DNAH6: variants seen among roughly 807,000 people sequenced by gnomAD.
DNAH6 encodes the protein dynein axonemal heavy chain 6.
DNAH6 carries 340 observed loss-of-function variants against 491.4 expected under a neutral mutation model. That is an observed-to-expected ratio of 0.69 (90% CI 0.63 to 0.76). The LOEUF (loss-of-function observed/expected upper bound fraction) is 0.76, where lower values mean the gene tolerates loss of function less well. Among genes scored for constraint, DNAH6 ranks in the 30% least tolerant of loss-of-function variants. DNAH6 has a pLI of 0.00. For missense variants in DNAH6, 4,443 were observed against 4,972.2 expected (o/e 0.89, Z 3.20); for synonymous variants, 1,603 against 1,686.1 (o/e 0.95, Z 1.21).
At chr2:84,770,061 G>A (rs1333646459) in intron 64 of DNAH6, among the ~76,000 whole-genome samples, 2 of 152,176 alleles carry the variant, frequency 1.3e-5, no homozygotes, top group East Asian at 3.8e-4. Context: ...GAGCCCATCT[G>A]CAAAACCTGG....
Position 84,727,652 on chromosome 2 carries a change from A to T in DNAH6, c.9973-17A>T. 1 of 1,440,364 alleles carries T rather than the reference A, an allele frequency of 6.9e-7. No individual in the cohort carries two copies. The highest frequency in any genetic ancestry group is 9.6e-7 in the Non-Finnish European group (1 of 1,046,790). The allele number at this position is 1,440,364 out of a possible 1,614,324, so 89.2% of individuals were successfully genotyped here. A position where few individuals can be genotyped will look rare whatever the true frequency, so the allele number is the denominator to read the frequency against. Reference sequence around the variant, plus strand: ...TGAATTAAATCAGAGACATTGATAGAGCTCTCTTTCACACAGTTGTTCAAT... The same window carrying T: ...TGAATTAAATCAGAGACATTGATAGTGCTCTCTTTCACACAGTTGTTCAAT... On this transcript the variant is annotated splice_polypyrimidine_tract_variant and intron_variant, in intron 60 of 76. Transcript: ENST00000389394.
In DNAH6 at chr2:84,701,272, C is replaced by G; in HGVS notation, c.7994C>G (p.Thr2665Ser). The G allele has an allele frequency of 6.4e-7, 1 of 1,551,880 alleles. No homozygotes were observed. Among genetic ancestry groups the G allele is most frequent in the Non-Finnish European group, 8.7e-7 (1 of 1,147,014 alleles). ...CGCAGGCGGTACTACACGACACCCA[C>G]CTCCTACCTGGAGCTTATCAATCTT... ...ELRRRYYTTP[T>S]SYLELINLYL... Residue 2665 changes from threonine to serine, a missense_variant, in exon 49 of 77, where the codon ACC (threonine) becomes AGC (serine). Thr to Ser is a moderately conservative substitution (Grantham distance 58). This residue lies in a region of DNAH6 where 2,977 missense variants were observed against 3,296.6 expected (regional missense o/e 0.90). Transcript: ENST00000389394.
chr2:84,685,496 C>A (rs1456086429), intron 43 of DNAH6, 24 bp downstream of exon 43: 10 of 1,356,528 alleles, frequency 7.4e-6, no homozygotes, highest in South Asian at 1.9e-5. Context: ...TTTACCTATT[C>A]TTTTTTTTAT....
chr2:84,505,311 C>T, the DNAH6 span, among the ~76,000 whole-genome samples: 1 of 152,046 alleles, frequency 6.6e-6, no homozygotes. Context: ...AGTTTTACTT[C>T]TTCCTTTCCA....
At chr2:84,808,935 C>T (rs1679701602) in intron 72 of DNAH6, among the ~76,000 whole-genome samples, 1 of 152,172 alleles carries the variant, frequency 6.6e-6, no homozygotes, top group Non-Finnish European at 1.5e-5. Flanking sequence ...AAAGTGTGGG[C>T]CACAGAATGC....
intron 29 of DNAH6, among the ~76,000 whole-genome samples, chr2:84,627,978 T>A (rs1688037626): frequency 6.6e-6 from 1 of 152,206 alleles, no homozygotes; most frequent in South Asian, 2.1e-4. Flanking sequence ...TGACTCAGGC[T>A]GAGTAGGAAC....
At chr2:84,687,545 A>G (rs762974170) in intron 44 of DNAH6, among the ~76,000 whole-genome samples, 5 of 152,162 alleles carry the variant, frequency 3.3e-5, no homozygotes, top group African/African-American at 9.7e-5. Flanking sequence ...ATTTATATTT[A>G]TTATTAAAAG....
At chr2:84,658,264 G>C in intron 35 of DNAH6, 28 bp from the exon 36 acceptor site, 1 of 1,442,244 alleles carries the variant, frequency 6.9e-7, no homozygotes, top group South Asian at 1.4e-5. Context: ...ATCAGGTCTT[G>C]CTAAACTATC....
intron 71 of DNAH6, among the ~76,000 whole-genome samples, chr2:84,807,266 C>T (rs927261537): frequency 3.3e-5 from 5 of 152,186 alleles, no homozygotes; most frequent in African/African-American, 1.2e-4. Context: ...TTTTGTCCAG[C>T]AGCCAAATGT....
At chr2:84,534,924 G>A (rs577476591) in intron 4 of DNAH6, among the ~76,000 whole-genome samples, 1 of 151,850 alleles carries the variant, frequency 6.6e-6, no homozygotes, top group Non-Finnish European at 1.5e-5. Context: ...AACAGATTTA[G>A]CATTAGAAAT....
At chr2:84,560,793 C>T (rs1173235528) in intron 11 of DNAH6, among the ~76,000 whole-genome samples, 5 of 152,146 alleles carry the variant, frequency 3.3e-5, no homozygotes, top group Non-Finnish European at 2.9e-5. Context: ...ATCAACTCAT[C>T]ATTTCTTATG....
rs1676909567 is a variant in DNAH6 at position 84,529,150 on chromosome 2, G to T, written c.646G>T (p.Asp216Tyr). 6.5e-7 allele frequency: 1 copy of T among 1,546,156 alleles called. No homozygotes were observed. Among genetic ancestry groups the T allele is most frequent in the African/African-American group, 1.4e-5 (1 of 72,914 alleles). ...PAVPRSSIEYDTYNLKVVSYE... is the reference protein window; with the variant it reads ...PAVPRSSIEYYTYNLKVVSYE... Reference sequence around the variant, plus strand: ...AGTGCCAAGATCATCCATTGAATATGATACATATAATCTAAAGTGAGTTAT... The same window carrying T: ...AGTGCCAAGATCATCCATTGAATATTATACATATAATCTAAAGTGAGTTAT... The change falls in exon 4 of 77, where the codon GAT becomes TAT. Residue 216 changes from aspartate to tyrosine, a missense_variant. By Grantham distance (160) the Asp-to-Tyr change is radical (BLOSUM62 -3). Around this residue, in one of 3 missense-constraint regions of DNAH6, gnomAD observed 2,977 missense variants for 3,296.6 expected, o/e 0.90. Coordinates refer to ENST00000389394, the MANE Select transcript of DNAH6 (RefSeq NM_001370.2).
At chr2:84,763,121 A>G (rs1192383) in intron 64 of DNAH6, among the ~76,000 whole-genome samples, 176 bp downstream of exon 64, 5,507 of 152,328 alleles carry the variant, frequency 0.036, 151 homozygotes, top group South Asian at 0.062. Context: ...CAAAAGTCAT[A>G]AACGTAGCTG....
chr2:84,582,599 C>A (rs184029712), intron 14 of DNAH6, among the ~76,000 whole-genome samples: 1 of 152,174 alleles, frequency 6.6e-6, no homozygotes, highest in Non-Finnish European at 1.5e-5. Flanking sequence ...CTACAGGCAT[C>A]CGCCACTGCG....
intron 14 of DNAH6, among the ~76,000 whole-genome samples, chr2:84,582,859 C>T (rs1683167518): frequency 6.6e-6 from 1 of 152,214 alleles, no homozygotes; most frequent in Non-Finnish European, 1.5e-5. Flanking sequence ...GTGTTAATGA[C>T]CTGTTATGTT....
chr2:84,641,145 A>G (rs1212799683), intron 32 of DNAH6, among the ~76,000 whole-genome samples: 1 of 152,082 alleles, frequency 6.6e-6, no homozygotes, highest in Non-Finnish European at 1.5e-5. Context: ...TAACTTCTTG[A>G]AACTACTGCA....
chr2:84,745,079 G>T lies in DNAH6; in HGVS notation c.10343-1G>T. On this transcript the variant is annotated splice_acceptor_variant, in intron 62 of 76. Transcript: ENST00000389394. LOFTEE classifies it high-confidence loss of function. Reference sequence around the variant, plus strand: ...TTATCTTTTTTAAATTGTATTTCCAGGATCTTTTGAGACTTATATTAACCC... The same window carrying T: ...TTATCTTTTTTAAATTGTATTTCCATGATCTTTTGAGACTTATATTAACCC... The T allele has an allele frequency of 6.8e-7, 1 of 1,477,402 alleles. No homozygotes were observed. The highest frequency in any genetic ancestry group is 9.0e-7 in the Non-Finnish European group (1 of 1,106,310). The allele number at this position is 1,477,402 out of a possible 1,614,324, so 91.5% of individuals were successfully genotyped here. A position where few individuals can be genotyped will look rare whatever the true frequency, so the allele number is the denominator to read the frequency against.
intron 18 of DNAH6, among the ~76,000 whole-genome samples, chr2:84,599,387 CA>C (rs1685005489): frequency 6.6e-6 from 1 of 151,694 alleles, no homozygotes; most frequent in Non-Finnish European, 1.5e-5. Flanking sequence ...GTATAGTATC[CA>C]AACACTTTTT....
chr2:84,561,941 G>A (rs1384660079), intron 11 of DNAH6, among the ~76,000 whole-genome samples: 1 of 151,984 alleles, frequency 6.6e-6, no homozygotes, highest in Non-Finnish European at 1.5e-5. Flanking sequence ...ATAACTTTGG[G>A]GGAAAAAAGC....
Sources: allele counts gnomAD v4.1 joint callset (sites outside exome capture counted in the v4.1 genomes callset), GRCh38; gene constraint gnomAD v4.1.1; regional missense constraint gnomAD v4.1.1; transcripts MANE v1.5; gene names NCBI Gene and HGNC (gene_info 2026-07-23, HGNC 2026-07-21).